Variants in PSD3 observed in about 807,000 individuals in gnomAD.
PSD3 encodes the protein pleckstrin and Sec7 domain containing 3.
In PSD3, 49 loss-of-function variants were observed where a neutral mutation model predicts 105.5. That is an observed-to-expected ratio of 0.46 (90% CI 0.37 to 0.59). The LOEUF is 0.59. Among genes scored for constraint, PSD3 ranks in the 20% least tolerant of loss-of-function variants. The pLI is 0.00. For missense variants in PSD3, 1,561 were observed against 1,263.8 expected, an observed-to-expected ratio of 1.24 and a Z score of -3.57; for synonymous variants, 557 against 457.8, an observed-to-expected ratio of 1.22 and a Z score of -2.77.
chr8:18,741,184 G>T (rs565448563), intron 9 of PSD3, among the ~76,000 whole-genome samples: 2 of 152,152 alleles, frequency 1.3e-5, no homozygotes. Flanking sequence ...TTACAGGTAC[G>T]AGTTACGGTC....
intron 11 of PSD3, among the ~76,000 whole-genome samples, chr8:18,624,733 T>C (rs1325235119): frequency 6.6e-6 from 1 of 151,904 alleles, no homozygotes; most frequent in Non-Finnish European, 1.5e-5. Flanking sequence ...AATTTCTTTA[T>C]AAATATTACC....
At chr8:19,078,818 C>G (rs1016652815) in intron 1 of PSD3, among the ~76,000 whole-genome samples, 1 of 151,550 alleles carries the variant, frequency 6.6e-6, no homozygotes, top group African/African-American at 2.4e-5. Flanking sequence ...TCAAATTCCT[C>G]CCTGTGGAGT....
chr8:18,637,454 T>A (rs757116318), intron 10 of PSD3, among the ~76,000 whole-genome samples: 1 of 152,210 alleles, frequency 6.6e-6, no homozygotes, highest in Non-Finnish European at 1.5e-5. Context: ...CCAAATTCCC[T>A]CACACTGTTA....
intron 1 of PSD3, among the ~76,000 whole-genome samples, chr8:19,055,844 G>C (rs1828693011): frequency 6.6e-6 from 1 of 152,150 alleles, no homozygotes. Context: ...AACTTGATTG[G>C]AAAGCTGTTC....
intron 1 of PSD3, among the ~76,000 whole-genome samples, chr8:18,968,806 G>A (rs1272398600): frequency 6.7e-6 from 1 of 149,820 alleles, no homozygotes; most frequent in African/African-American, 2.5e-5. Context: ...AACCCAGGAG[G>A]TGGAGGTTGC....
intron 8 of PSD3, among the ~76,000 whole-genome samples, chr8:18,768,126 A>AAT (rs1554494091): frequency 6.7e-6 from 1 of 149,764 alleles, no homozygotes; most frequent in Non-Finnish European, 1.5e-5. Flanking sequence ...CAAAAAAAAA[A>AAT]AAAAAAAAAA....
At chr8:18,995,349 C>G (rs945983498) in intron 1 of PSD3, among the ~76,000 whole-genome samples, 2 of 152,032 alleles carry the variant, frequency 1.3e-5, no homozygotes, top group African/African-American at 2.4e-5. Flanking sequence ...ACGCCAGTAG[C>G]TTTTTTGCAA....
intron 9 of PSD3, among the ~76,000 whole-genome samples, chr8:18,686,274 T>C (rs1046168871): frequency 6.6e-6 from 1 of 152,182 alleles, no homozygotes. Flanking sequence ...ATGACAATTC[T>C]GCGAAGTGGG....
chr8:19,056,910 C>G, intron 1 of PSD3, among the ~76,000 whole-genome samples: 1 of 152,200 alleles, frequency 6.6e-6, no homozygotes, highest in Middle Eastern at 3.4e-3. Flanking sequence ...TCTAATCTCC[C>G]AAGCTGTGGG....
At chr8:18,915,252 T>C (rs752291965) in intron 2 of PSD3, among the ~76,000 whole-genome samples, 19 of 151,942 alleles carry the variant, frequency 1.3e-4, no homozygotes, top group Non-Finnish European at 2.6e-4. Context: ...GAATAAAACA[T>C]AGGAAAAAAG....
intron 15 of PSD3, among the ~76,000 whole-genome samples, chr8:18,538,699 T>G (rs1799972002): frequency 6.6e-6 from 1 of 152,218 alleles, no homozygotes; most frequent in Non-Finnish European, 1.5e-5. Flanking sequence ...GGGACAGTTT[T>G]CCAGTAGTCT....
At chr8:18,599,702 C>G (rs1197231725) in intron 12 of PSD3, among the ~76,000 whole-genome samples, 1 of 152,028 alleles carries the variant, frequency 6.6e-6, no homozygotes, top group Non-Finnish European at 1.5e-5. Context: ...TAATATGGCA[C>G]TTGTGGGGCG....
At chr8:18,838,756 A>G (rs1219156164) in intron 4 of PSD3, among the ~76,000 whole-genome samples, 3 of 150,830 alleles carry the variant, frequency 2.0e-5, no homozygotes, top group African/African-American at 7.3e-5. Flanking sequence ...GAGCCGCGAC[A>G]GCGCCACTGC....
chr8:18,666,415 T>C (rs1585553888), intron 9 of PSD3, among the ~76,000 whole-genome samples: 1 of 152,214 alleles, frequency 6.6e-6, no homozygotes, highest in Admixed American at 6.5e-5. Context: ...TTTATCGCGG[T>C]ATTTGTTTTA....
chr8:19,018,261 TC>T (rs1462227184), upstream of PSD3, among the ~76,000 whole-genome samples: 1 of 152,206 alleles, frequency 6.6e-6, no homozygotes, highest in African/African-American at 2.4e-5. Flanking sequence ...TAATATGTTT[TC>T]AAATTTTGGA....
At chr8:18,585,861 A>G (rs1473480279) in intron 12 of PSD3, among the ~76,000 whole-genome samples, 1 of 152,164 alleles carries the variant, frequency 6.6e-6, no homozygotes, top group Non-Finnish European at 1.5e-5. Context: ...CCAAATCAGC[A>G]ATTAGTTAAG....
At chr8:18,591,443 G>A (rs1177411069) in intron 12 of PSD3, among the ~76,000 whole-genome samples, 1 of 152,186 alleles carries the variant, frequency 6.6e-6, no homozygotes, top group Non-Finnish European at 1.5e-5. Context: ...GCAATTGGGA[G>A]AAAAGGTGGT....
chr8:18,827,167 G>C (rs562525303), intron 4 of PSD3, among the ~76,000 whole-genome samples: 33 of 152,294 alleles, frequency 2.2e-4, no homozygotes, highest in African/African-American at 7.2e-4. Context: ...GAACTTCATA[G>C]TCTAGAGAGT....
chr8:18,856,134 C>A (rs1462548272), intron 4 of PSD3, among the ~76,000 whole-genome samples: 2 of 152,124 alleles, frequency 1.3e-5, no homozygotes. Context: ...CACCCACAAC[C>A]CTTTACACAT....
Sources: allele counts gnomAD v4.1 joint callset (sites outside exome capture counted in the v4.1 genomes callset), GRCh38; gene constraint gnomAD v4.1.1; transcripts MANE v1.5; gene names NCBI Gene and HGNC (gene_info 2026-07-23, HGNC 2026-07-21).